The following AGT variants were observed in gnomAD, a reference collection of about 807,000 sequenced individuals.
AGT encodes the protein angiotensinogen.
AGT carries 26 observed loss-of-function variants against 28.1 expected under a neutral mutation model. The observed-to-expected ratio is 0.92, with a 90% CI of 0.68 to 1.28. AGT has a LOEUF of 1.28. Among genes scored for constraint, AGT ranks in the 50% most tolerant of loss-of-function variants. The probability of loss-of-function intolerance (pLI) is 0.00; values close to 1 mark genes in which losing one functional copy is unlikely to be tolerated. For synonymous variants in AGT, 259 were observed against 259.6 expected (o/e 1.00, Z 0.02); for missense variants, 596 against 592.3 (o/e 1.01, Z -0.06).
At chr1:230,718,957 G>C (rs1214168089), upstream of AGT, among the ~76,000 whole-genome samples, 1 of 152,042 alleles carries the variant, frequency 6.6e-6, no homozygotes, top group African/African-American at 2.4e-5. Flanking sequence ...TCAAACTCCT[G>C]AGCTCAAGTG....
intron 1 of AGT, among the ~76,000 whole-genome samples, chr1:230,736,024 G>A (rs554109403): frequency 7.0e-4 from 106 of 151,706 alleles, no homozygotes; most frequent in Admixed American, 1.2e-3. Flanking sequence ...CAAAGGTGAT[G>A]TCTTAAATCC....
In AGT at chr1:230,702,765, C is replaced by T. The variant is rs979887380; in HGVS notation, c.*376G>A. On this transcript the variant is annotated 3_prime_UTR_variant, in exon 5 of 5. Transcript: ENST00000366667. The stretch of plus-strand genomic sequence containing the variant: ...AAATGTATACTTTAATTTTAAAACC[C>T]AATTTTTGTTCTCAACTTGAAAAGG... The T allele has an allele frequency of 2.4e-5, 6 of 250,862 alleles. No homozygotes were observed. Among genetic ancestry groups the T allele is most frequent in the African/African-American group, 6.6e-5 (3 of 45,522 alleles). 15.5% of individuals were successfully genotyped at this position (250,862 alleles called of 1,614,324 possible).
At chr1:230,744,827 T>C (rs958814187) in intron 1 of AGT, among the ~76,000 whole-genome samples, 3 of 152,164 alleles carry the variant, frequency 2.0e-5, no homozygotes, top group African/African-American at 7.2e-5. Context: ...CCCTTTACAG[T>C]TCTGGTCAGT....
intron 1 of AGT, among the ~76,000 whole-genome samples, chr1:230,722,358 G>A (rs756405546): frequency 4.6e-5 from 7 of 152,264 alleles, no homozygotes; most frequent in Non-Finnish European, 8.8e-5. Flanking sequence ...CTAGGGCAAT[G>A]TGGAAGGGAA....
At chr1:230,706,847 C>A (rs944645565) in intron 2 of AGT, among the ~76,000 whole-genome samples, 2 of 152,166 alleles carry the variant, frequency 1.3e-5, no homozygotes, top group Non-Finnish European at 2.9e-5. Flanking sequence ...CATGTGGCCA[C>A]CACCGCACTA....
intron 1 of AGT, among the ~76,000 whole-genome samples, chr1:230,732,887 C>T (rs1220039058): frequency 6.6e-6 from 1 of 152,050 alleles, no homozygotes; most frequent in Non-Finnish European, 1.5e-5. Context: ...GTTCAAGGAC[C>T]AACGGTATTT....
At chr1:230,733,158 C>G (rs1369033997) in intron 1 of AGT, among the ~76,000 whole-genome samples, 1 of 151,966 alleles carries the variant, frequency 6.6e-6, no homozygotes, top group Non-Finnish European at 1.5e-5. Flanking sequence ...TGGCGCATGC[C>G]TGTAATCCCA....
At chr1:230,729,480 G>T (rs4847008) in intron 1 of AGT, among the ~76,000 whole-genome samples, 44,748 of 152,042 alleles carry the variant, frequency 0.29, 7,601 homozygotes, top group East Asian at 0.66. Context: ...GAAGATCAGA[G>T]AGGACTTTTG....
At chr1:230,716,226 A>C (rs61762549), upstream of AGT, among the ~76,000 whole-genome samples, 1 of 152,238 alleles carries the variant, frequency 6.6e-6, no homozygotes, top group Non-Finnish European at 1.5e-5. Context: ...TTTATTGAGA[A>C]TGTAAATTAT....
intron 1 of AGT, among the ~76,000 whole-genome samples, chr1:230,729,472 A>C (rs1316842105): frequency 6.6e-6 from 1 of 152,216 alleles, no homozygotes; most frequent in Admixed American, 6.5e-5. Flanking sequence ...ATTTTTGTGA[A>C]GATCAGAGAG....
At chr1:230,725,265 T>C (rs1344163969) in intron 1 of AGT, among the ~76,000 whole-genome samples, 2 of 152,188 alleles carry the variant, frequency 1.3e-5, no homozygotes, top group East Asian at 3.8e-4. Flanking sequence ...ATGTGAATTA[T>C]CCAATGTCCT....
intron 2 of AGT, 150 bp from the exon 3 acceptor site, chr1:230,706,350 GC>G: frequency 1.2e-6 from 1 of 850,636 alleles, no homozygotes. Context: ...CATTCTCCTG[GC>G]CACAGGACCG....
At chr1:230,737,257 C>A (rs1375568639) in intron 1 of AGT, among the ~76,000 whole-genome samples, 1 of 152,110 alleles carries the variant, frequency 6.6e-6, no homozygotes, top group African/African-American at 2.4e-5. Flanking sequence ...GAGTCATCTG[C>A]ACAAAGTGCC....
In AGT at chr1:230,743,322, C is replaced by T. The variant is rs1224451707; in HGVS notation, c.-31+2193G>A. ...CTCTTAACATACCCAAAGTGTTCAACTTTTCTTCCAAGTCTGCCTCTCCTC... is the reference window on the plus strand; with the variant it reads ...CTCTTAACATACCCAAAGTGTTCAATTTTTCTTCCAAGTCTGCCTCTCCTC... On this transcript the variant is annotated intron_variant, in intron 1 of 4. Transcript: ENST00000681269. 3.3e-5 allele frequency among the ~76,000 whole-genome samples: 5 copies of T among 152,308 alleles called. No individual in the cohort carries two copies. The East Asian group carries it at 9.7e-4, about 29-fold the overall frequency.
chr1:230,743,903 C>G (rs186136043), intron 1 of AGT, among the ~76,000 whole-genome samples: 6 of 152,304 alleles, frequency 3.9e-5, no homozygotes, highest in Admixed American at 6.5e-5. Context: ...GTGGAGGAGA[C>G]AGAGAAAGAA....
intron 1 of AGT, among the ~76,000 whole-genome samples, chr1:230,728,276 T>A (rs1478684629): frequency 6.6e-6 from 1 of 152,206 alleles, no homozygotes; most frequent in Non-Finnish European, 1.5e-5. Context: ...ACCTCCAGAA[T>A]AACGGCTGGT....
At chr1:230,707,156 G>A (rs1013588754) in intron 2 of AGT, among the ~76,000 whole-genome samples, 18 of 152,222 alleles carry the variant, frequency 1.2e-4, no homozygotes, top group South Asian at 4.1e-4. Flanking sequence ...CAGAGAACTC[G>A]GGAGAGCCCG....
At chr1:230,727,553 A>G (rs1663966515) in intron 1 of AGT, among the ~76,000 whole-genome samples, 1 of 152,256 alleles carries the variant, frequency 6.6e-6, no homozygotes, top group Non-Finnish European at 1.5e-5. Context: ...AGTAATATGC[A>G]TAATATCTAG....
chr1:230,705,274 C>A (rs776049207), intron 3 of AGT, among the ~76,000 whole-genome samples: 10 of 151,694 alleles, frequency 6.6e-5, no homozygotes, highest in Non-Finnish European at 1.3e-4. Flanking sequence ...TTTACCATCA[C>A]AATTTTTAAA....
Sources: gnomAD v4.1 joint callset for allele counts (sites outside exome capture counted in the v4.1 genomes callset) on GRCh38, gnomAD v4.1.1 for gene constraint, MANE v1.5 for transcripts, NCBI Gene and HGNC (gene_info 2026-07-23, HGNC 2026-07-21) for gene names.